Variants in TBC1D9B observed in about 807,000 individuals in gnomAD.
The protein encoded by TBC1D9B is TBC1 domain family, member 9B (with GRAM domain).
A neutral mutation model predicts 121.1 loss-of-function variants in TBC1D9B; 87 were observed. The observed-to-expected ratio is 0.72, with a 90% CI of 0.60 to 0.86. The LOEUF is 0.86. Among genes scored for constraint, TBC1D9B ranks in the 40% least tolerant of loss-of-function variants. The pLI, the probability that TBC1D9B is intolerant of heterozygous loss-of-function variation, is 0.00. For synonymous variants in TBC1D9B, 668 were observed against 670.1 expected, an observed-to-expected ratio of 1.00 and a Z score of 0.05; for missense variants, 1,540 against 1,628.6, an observed-to-expected ratio of 0.95 and a Z score of 0.94.
intron 3 of TBC1D9B, among the ~76,000 whole-genome samples, chr5:179,897,666 T>C (rs1448682401): frequency 2.6e-5 from 4 of 152,358 alleles, no homozygotes; most frequent in Non-Finnish European, 5.9e-5. Flanking sequence ...TTCCTTGGCC[T>C]ATGAGTCATT....
In TBC1D9B at chr5:179,902,414, T is replaced by C. The variant is rs114682926; in HGVS notation, c.229+2288A>G. 1.9e-3 allele frequency among the ~76,000 whole-genome samples: 287 copies of C among 152,154 alleles called. 1 individual carries two copies. Among genetic ancestry groups the C allele is most frequent in the African/African-American group, 6.6e-3 (273 of 41,502 alleles). On this transcript the variant is annotated intron_variant, in intron 2 of 20. Coordinates refer to ENST00000355235, the MANE Select transcript of TBC1D9B (RefSeq NM_015043.4). The surrounding 1 kb of genome is among the most constrained non-coding windows in gnomAD (Gnocchi z 4.9). ...ACCAGGCTCAAGGGTCAGGACTCAC[T>C]AAGCAGGTGCTGGCAGGGCCATGTC...
At chr5:179,873,644 T>C (rs559341363) in intron 12 of TBC1D9B, among the ~76,000 whole-genome samples, 10 of 152,174 alleles carry the variant, frequency 6.6e-5, no homozygotes, top group East Asian at 1.9e-4. Context: ...GGATCAAAGG[T>C]TGAGTCGCAG....
chr5:179,869,802 G>A lies in TBC1D9B; in HGVS notation c.2758C>T (p.Leu920Phe). The A allele has an allele frequency of 1.3e-6, 2 of 1,579,566 alleles. No homozygotes were observed. The change falls in exon 17 of 21, where the codon CTC becomes TTC. Residue 920 changes from leucine to phenylalanine, a missense_variant. Transcript: ENST00000355235. The part of the protein sequence containing the change: ...GMYHGDLTEK[L>F]KVLYKLHLPP... ...AGGTGTAGCTTGTAGAGCACCTTGA[G>A]CTTCTCTGTCAGGTCCCCGTGGTAC...
At position 179,904,294 on chromosome 5, in the gene TBC1D9B, G is replaced by T. The variant is rs944583247; in HGVS notation, c.229+408C>A. 6.9e-6 allele frequency among the ~76,000 whole-genome samples: 1 copy of T among 145,088 alleles called. No homozygotes were observed. The highest frequency in any genetic ancestry group is 2.0e-4 in the East Asian group (1 of 4,880). On this transcript the variant is annotated intron_variant, in intron 2 of 20. Transcript: ENST00000355235. The surrounding 1 kb of genome is among the most constrained non-coding windows in gnomAD (Gnocchi z 4.2). ...GGCTGGAGTGCAGTGGCGCGATCTC[G>T]GCTCACTGCAAGCTCCGCCTCCCGG...
At chr5:179,870,026 A>T (rs1582076569) in intron 16 of TBC1D9B, among the ~76,000 whole-genome samples, 192 bp from the exon 17 acceptor site, 1 of 152,102 alleles carries the variant, frequency 6.6e-6, no homozygotes, top group Non-Finnish European at 1.5e-5. Context: ...GGGCTGGCAG[A>T]CCAGCTTCTA....
intron 3 of TBC1D9B, among the ~76,000 whole-genome samples, chr5:179,897,384 C>T (rs1935321563): frequency 6.6e-6 from 1 of 151,448 alleles, no homozygotes; most frequent in East Asian, 1.9e-4. Context: ...GTGATCTCAG[C>T]TCACTGCAAC....
chr5:179,890,919 G>C lies in TBC1D9B; in HGVS notation c.1044+460C>G, dbSNP rs887249676. Among the ~76,000 whole-genome samples the C allele has an allele frequency of 2.0e-5, 3 of 152,212 alleles. No individual in the cohort carries two copies. The East Asian group carries it at 5.8e-4, about 29-fold the overall frequency. On this transcript the variant is annotated intron_variant, in intron 6 of 20. Transcript: ENST00000355235. The surrounding 1 kb of genome is among the most constrained non-coding windows in gnomAD (Gnocchi z 5.0). ...CGACGCCGCCCCACAGGGGAGAGCC[G>C]ACCTCTGATGGCCTGCTGGAGCCGA...
intron 20 of TBC1D9B, 43 bp from the exon 21 acceptor site, chr5:179,864,171 CCAGT>C (rs1759938122): frequency 1.3e-6 from 2 of 1,537,268 alleles, no homozygotes; most frequent in South Asian, 1.3e-5. Context: ...TGGTAAAAGA[CCAGT>C]CAGACGGGGT....
At chr5:179,893,565 T>C in intron 4 of TBC1D9B, 98 bp from the exon 5 acceptor site, 1 of 1,461,964 alleles carries the variant, frequency 6.8e-7, no homozygotes, top group Non-Finnish European at 9.1e-7. Context: ...GGAACTGCTC[T>C]CTGGGGGCAG....
At chr5:179,864,429 A>C (rs925427466) in intron 20 of TBC1D9B, among the ~76,000 whole-genome samples, 3 of 152,136 alleles carry the variant, frequency 2.0e-5, no homozygotes, top group African/African-American at 7.2e-5. Flanking sequence ...ATGGATTTCT[A>C]CCACGACTCT....
chr5:179,898,147 C>T (rs1444131108), intron 3 of TBC1D9B, among the ~76,000 whole-genome samples: 1 of 136,674 alleles, frequency 7.3e-6, no homozygotes, highest in Non-Finnish European at 1.5e-5. Flanking sequence ...AAAACCCCAT[C>T]TCTACTTTTT....
At chr5:179,893,176 A>G in intron 5 of TBC1D9B, 33 bp downstream of exon 5, 9 of 1,570,934 alleles carry the variant, frequency 5.7e-6, no homozygotes, top group Non-Finnish European at 7.8e-6. Context: ...CCTGGCTCAC[A>G]TGAGCCCACC....
At chr5:179,866,019 TC>T in intron 18 of TBC1D9B, 131 bp from the exon 19 acceptor site, 1 of 1,111,130 alleles carries the variant, frequency 9.0e-7, no homozygotes. Flanking sequence ...GGAGCAGGTC[TC>T]CCATGCCACA....
In TBC1D9B at chr5:179,863,814, C is replaced by T. The variant is rs765399441; in HGVS notation, c.3336G>A (p.Glu1112=). 1 of 1,613,734 alleles carries T rather than the reference C, an allele frequency of 6.2e-7. No individual in the cohort carries two copies. The highest frequency in any genetic ancestry group is 1.1e-5 in the South Asian group (1 of 91,084). ...KAPQESQVVV[E]GGSGEGQGSP... ...AGCCCTGTCCCTCGCCGCTGCCCCC[C>T]TCCACCACCACCTGGCTCTCCTGTG... Residue 1112 remains glutamate (E), a synonymous_variant, in exon 21 of 21, where the codon GAG becomes GAA. Coordinates refer to ENST00000355235, the MANE Select transcript of TBC1D9B (RefSeq NM_015043.4). This position sits in a 1 kb window ranked among gnomAD's most constrained non-coding sequence, Gnocchi z 4.5.
At chr5:179,873,273 C>T (rs754251906) in intron 12 of TBC1D9B, 25 bp from the exon 13 acceptor site, 6 of 1,556,922 alleles carry the variant, frequency 3.9e-6, no homozygotes, top group Non-Finnish European at 4.3e-6. Context: ...GGACAACAGT[C>T]CAGACCACGC....
intron 7 of TBC1D9B, among the ~76,000 whole-genome samples, chr5:179,880,390 C>T (rs1294689378): frequency 6.6e-6 from 1 of 152,196 alleles, no homozygotes; most frequent in Non-Finnish European, 1.5e-5. Context: ...GAGCCCAGCT[C>T]GACCAGGGCC....
intron 17 of TBC1D9B, 52 bp from the exon 18 acceptor site, chr5:179,867,901 C>G: frequency 6.7e-7 from 1 of 1,485,824 alleles, no homozygotes. Flanking sequence ...AGGAGATCCT[C>G]TCAGAGTAAG....
Position 179,870,292 on chromosome 5 carries a change from G to C in TBC1D9B, c.2688C>G (p.Asp896Glu), listed in dbSNP as rs148980801. ...CGAACTCCTTGAAGTTGATCAGCGA[G>C]TCCTTGTTTTCGTCCAGGAGCCTGA... ...RMFRLLDENK[D>E]SLINFKEFVT... is the part of the protein sequence containing the mutation. The change falls in exon 16 of 21, where the codon GAC (aspartate) becomes GAG (glutamate). Residue 896 changes from aspartate to glutamate, a missense_variant. Transcript: ENST00000355235. 1,366 of 1,613,932 alleles carry C rather than the reference G, an allele frequency of 8.5e-4. 21 individuals are homozygous for C. In the African/African-American group the frequency reaches 0.017, roughly 20 times the overall value.
chr5:179,875,907 C>T lies in TBC1D9B; in HGVS notation c.1900+13G>A, dbSNP rs1022560291. 7.5e-6 allele frequency: 12 copies of T among 1,593,734 alleles called. No homozygotes were observed. Among genetic ancestry groups the T allele is most frequent in the African/African-American group, 6.7e-5 (5 of 74,468 alleles). On this transcript the variant is annotated intron_variant, in intron 11 of 20. Transcript: ENST00000355235. This position sits in a 1 kb window ranked among gnomAD's most constrained non-coding sequence, Gnocchi z 4.5. ...CTGGAGACCCAGGCGAGGCAGCACC[C>T]GGGGACACTCACCCACCACCCTGGT...
Sources: gnomAD v4.1 joint callset for allele counts (sites outside exome capture counted in the v4.1 genomes callset) on GRCh38, gnomAD v4.1.1 for gene constraint, Gnocchi (gnomAD v3.1) non-coding constraint, MANE v1.5 for transcripts, NCBI Gene and HGNC (gene_info 2026-07-23, HGNC 2026-07-21) for gene names.